Variants in DYM observed in about 807,000 individuals in gnomAD.
DYM encodes dyggve-Melchior-Clausen syndrome protein.
Under a neutral mutation model 93.1 loss-of-function variants are expected in DYM, and 78 were observed. The observed-to-expected ratio is 0.84, with a 90% CI of 0.70 to 1.01. DYM has a LOEUF of 1.01. DYM is among the 50% of genes least tolerant of loss of function. DYM has a pLI of 0.00. For synonymous variants in DYM, 321 were observed against 319.7 expected, an observed-to-expected ratio of 1.00 and a Z score of -0.04; for missense variants, 789 against 845.0, an observed-to-expected ratio of 0.93 and a Z score of 0.82.
At chr18:49,343,572 G>A (rs1204913595) in intron 6 of DYM, among the ~76,000 whole-genome samples, 1 of 151,936 alleles carries the variant, frequency 6.6e-6, no homozygotes, top group Admixed American at 6.6e-5. Context: ...TATCCCACTC[G>A]CAACTAGAAT....
intron 14 of DYM, among the ~76,000 whole-genome samples, chr18:49,192,268 A>G (rs1276215619): frequency 1.3e-5 from 2 of 152,084 alleles, no homozygotes; most frequent in East Asian, 3.8e-4. Context: ...CCTTATCCAT[A>G]AAATGGGAAT....
chr18:49,393,315 AAAG>A (rs1356598240), intron 2 of DYM, among the ~76,000 whole-genome samples: 2 of 152,158 alleles, frequency 1.3e-5, no homozygotes, highest in Non-Finnish European at 2.9e-5. Flanking sequence ...TAGATACCCA[AAAG>A]AAGTGAAAGC....
chr18:49,333,694 GA>G (rs767748694), intron 7 of DYM, 33 bp downstream of exon 7: 1 of 1,607,044 alleles, frequency 6.2e-7, no homozygotes, highest in Non-Finnish European at 8.5e-7. Flanking sequence ...TTTATACAAT[GA>G]AAAAACTAGA....
At chr18:49,221,037 AAG>A (rs2093329188) in intron 13 of DYM, among the ~76,000 whole-genome samples, 2 of 152,244 alleles carry the variant, frequency 1.3e-5, no homozygotes, top group African/African-American at 4.8e-5. Flanking sequence ...GGAATCTACA[AAG>A]AACTCAAACA....
At chr18:49,285,295 C>G (rs1343443823) in intron 9 of DYM, among the ~76,000 whole-genome samples, 1 of 152,178 alleles carries the variant, frequency 6.6e-6, no homozygotes, top group Non-Finnish European at 1.5e-5. Flanking sequence ...AAATGTGTAT[C>G]AGAATAACCC....
chr18:49,212,613 A>G (rs1223362662), intron 13 of DYM, among the ~76,000 whole-genome samples: 2 of 152,008 alleles, frequency 1.3e-5, no homozygotes, highest in Admixed American at 6.5e-5. Context: ...CTCTTACCTC[A>G]GCCTCCCAAA....
At chr18:49,221,992 AAAAAG>A (rs1393764724) in intron 13 of DYM, among the ~76,000 whole-genome samples, 4 of 151,984 alleles carry the variant, frequency 2.6e-5, no homozygotes, top group East Asian at 1.9e-4. Context: ...TTTATAAAAA[AAAAAG>A]AAAGAAAAAA....
At chr18:49,100,559 T>C (rs1280831294) in intron 16 of DYM, among the ~76,000 whole-genome samples, 2 of 152,212 alleles carry the variant, frequency 1.3e-5, no homozygotes, top group African/African-American at 4.8e-5. Flanking sequence ...TGGTTCTCAT[T>C]TGTATGTTTT....
chr18:49,276,170 G>C (rs1272789124), intron 10 of DYM, among the ~76,000 whole-genome samples: 2 of 151,990 alleles, frequency 1.3e-5, no homozygotes, highest in Admixed American at 1.3e-4. Flanking sequence ...AAAGAAAACA[G>C]TGTTTTACCA....
intron 11 of DYM, among the ~76,000 whole-genome samples, chr18:49,265,554 G>C (rs1448227014): frequency 6.6e-6 from 1 of 152,062 alleles, no homozygotes; most frequent in Non-Finnish European, 1.5e-5. Flanking sequence ...TGAGGCCAGT[G>C]AATCACCTGA....
At chr18:49,136,353 TC>T (rs2083849525) in intron 15 of DYM, among the ~76,000 whole-genome samples, 1 of 152,206 alleles carries the variant, frequency 6.6e-6, no homozygotes, top group Non-Finnish European at 1.5e-5. Flanking sequence ...TATATATATA[TC>T]CCAATTTTTA....
chr18:49,282,214 G>A (rs773494766), intron 9 of DYM, 39 bp from the exon 10 acceptor site: 25 of 1,548,628 alleles, frequency 1.6e-5, no homozygotes, highest in Non-Finnish European at 2.1e-5. Context: ...ATTTCTAGCT[G>A]TGCTTTATAT....
intron 6 of DYM, among the ~76,000 whole-genome samples, chr18:49,339,981 C>G (rs950259560): frequency 6.6e-6 from 1 of 152,038 alleles, no homozygotes; most frequent in Admixed American, 6.6e-5. Context: ...GACAGAGTCT[C>G]GCTCTGTCGC....
intron 2 of DYM, among the ~76,000 whole-genome samples, chr18:49,424,260 C>A (rs1439981998): frequency 6.6e-6 from 1 of 152,046 alleles, no homozygotes; most frequent in African/African-American, 2.4e-5. Context: ...AATCAATAAC[C>A]GTAATCCATC....
intron 10 of DYM, among the ~76,000 whole-genome samples, chr18:49,272,870 A>G (rs1289576525): frequency 2.0e-5 from 3 of 152,144 alleles, no homozygotes; most frequent in African/African-American, 7.2e-5. Flanking sequence ...GCTTATTTCA[A>G]ATCATTGACA....
chr18:49,245,059 G>A (rs1292462810), intron 13 of DYM, among the ~76,000 whole-genome samples: 1 of 151,940 alleles, frequency 6.6e-6, no homozygotes, highest in Non-Finnish European at 1.5e-5. Context: ...TGTCTTTACT[G>A]CAGTCTCTGA....
chr18:49,274,239 G>C (rs1186732617), intron 10 of DYM, among the ~76,000 whole-genome samples: 2 of 152,006 alleles, frequency 1.3e-5, no homozygotes, highest in African/African-American at 2.4e-5. Flanking sequence ...CGTATGAATA[G>C]AATCATACAC....
chr18:49,216,866 C>A (rs574110010), intron 13 of DYM, among the ~76,000 whole-genome samples: 4 of 152,314 alleles, frequency 2.6e-5, no homozygotes, highest in Non-Finnish European at 5.9e-5. Flanking sequence ...TCCAAAGGAA[C>A]GCAGTTCCTC....
chr18:49,359,548 T>A (rs1227268750), intron 6 of DYM, among the ~76,000 whole-genome samples: 1 of 152,258 alleles, frequency 6.6e-6, no homozygotes, highest in Non-Finnish European at 1.5e-5. Context: ...CCACTGATCC[T>A]ATTCTCTTTA....
Sources: allele counts gnomAD v4.1 joint callset (sites outside exome capture counted in the v4.1 genomes callset), GRCh38; gene constraint gnomAD v4.1.1; transcripts MANE v1.5; gene names NCBI Gene and HGNC (gene_info 2026-07-23, HGNC 2026-07-21).